NCAM2: variants seen among roughly 807,000 people sequenced by gnomAD.
The protein encoded by NCAM2 is neural cell adhesion molecule 2.
Under a neutral mutation model 98.1 loss-of-function variants are expected in NCAM2, and 30 were observed. The ratio of observed to expected loss-of-function variants is 0.31; its 90% confidence interval spans 0.23 to 0.41. The LOEUF (loss-of-function observed/expected upper bound fraction) is 0.41, where lower values mean the gene tolerates loss of function less well. Among genes scored for constraint, NCAM2 ranks in the 10% least tolerant of loss-of-function variants. NCAM2 has a pLI of 1.00. For synonymous variants in NCAM2, 368 were observed against 342.4 expected (o/e 1.07, Z -0.83); for missense variants, 867 against 1,005.8 (o/e 0.86, Z 1.87).
At chr21:21,504,746 G>T (rs233777) in intron 15 of NCAM2, among the ~76,000 whole-genome samples, 126,247 of 151,540 alleles carry the variant, frequency 0.83, 52,698 homozygotes, top group Middle Eastern at 0.92. Context: ...TACATACATA[G>T]AACATAACTT....
At chr21:21,401,663 A>T (rs1271237777) in intron 9 of NCAM2, among the ~76,000 whole-genome samples, 10 of 152,136 alleles carry the variant, frequency 6.6e-5, no homozygotes, top group Admixed American at 4.6e-4. Flanking sequence ...CATTTTGTAT[A>T]TATACTATGT....
intron 11 of NCAM2, among the ~76,000 whole-genome samples, chr21:21,422,486 T>C (rs1413767821): frequency 6.6e-6 from 1 of 152,190 alleles, no homozygotes; most frequent in Non-Finnish European, 1.5e-5. Context: ...AAGTAAAATG[T>C]ATATGTGTTT....
rs573619671 is a variant in NCAM2, at chr21:21,459,637, AGAATT to A, written c.1655-6967_1655-6963del. Reference sequence around the variant, plus strand: ...ACACATATGTATATAGACATAAAAAAGAATTGCTGCATGATCTCACTTATATGTGG... The same window carrying A: ...ACACATATGTATATAGACATAAAAAAGCTGCATGATCTCACTTATATGTGG... On this transcript the variant is annotated intron_variant, in intron 12 of 17. Coordinates refer to ENST00000400546, the MANE Select transcript of NCAM2 (RefSeq NM_004540.5). 3.3e-5 allele frequency among the ~76,000 whole-genome samples: 5 copies of A among 151,092 alleles called. No homozygotes were observed. The Admixed American group carries it at 3.3e-4, about 10-fold the overall frequency.
intron 9 of NCAM2, among the ~76,000 whole-genome samples, chr21:21,374,639 T>G (rs2075992065): frequency 1.3e-5 from 2 of 151,808 alleles, no homozygotes; most frequent in Admixed American, 6.6e-5. Flanking sequence ...TGCATGGAAT[T>G]TAAAAATAAT....
intron 14 of NCAM2, among the ~76,000 whole-genome samples, chr21:21,476,929 T>C (rs931250399): frequency 2.0e-5 from 3 of 152,000 alleles, no homozygotes; most frequent in Non-Finnish European, 1.5e-5. Flanking sequence ...GTTTTTTCTG[T>C]GTATCATGTT....
At chr21:21,252,103 T>G (rs1466462678) in intron 1 of NCAM2, among the ~76,000 whole-genome samples, 1 of 152,072 alleles carries the variant, frequency 6.6e-6, no homozygotes, top group Non-Finnish European at 1.5e-5. Context: ...AAAAAAAAGC[T>G]TAACATTACT....
chr21:21,300,709 C>A (rs1389508054), intron 5 of NCAM2, among the ~76,000 whole-genome samples: 1 of 151,896 alleles, frequency 6.6e-6, no homozygotes, highest in Non-Finnish European at 1.5e-5. Context: ...GGAAAGATTT[C>A]TTTAATTTTT....
chr21:21,107,832 A>G (rs1369446292), intron 1 of NCAM2, among the ~76,000 whole-genome samples: 1 of 152,110 alleles, frequency 6.6e-6, no homozygotes, highest in Non-Finnish European at 1.5e-5. Context: ...CCACGGTGTC[A>G]CTGCCAATAC....
intron 12 of NCAM2, among the ~76,000 whole-genome samples, chr21:21,434,562 C>T (rs1052345123): frequency 6.6e-6 from 1 of 152,084 alleles, no homozygotes; most frequent in Admixed American, 6.6e-5. Flanking sequence ...GCAGTATAAA[C>T]ATGAATTTTA....
intron 16 of NCAM2, among the ~76,000 whole-genome samples, chr21:21,514,224 G>A (rs1181073500): frequency 6.6e-6 from 1 of 150,982 alleles, no homozygotes; most frequent in Non-Finnish European, 1.5e-5. Context: ...CTGGCAAAAT[G>A]TTGTCTCTGG....
chr21:21,010,310 A>G (rs976650726), intron 1 of NCAM2, among the ~76,000 whole-genome samples: 7 of 152,036 alleles, frequency 4.6e-5, no homozygotes, highest in East Asian at 1.9e-4. Context: ...AGGTTGTTCA[A>G]TGGCTTATGA....
At chr21:21,131,869 A>G (rs1426113984) in intron 1 of NCAM2, among the ~76,000 whole-genome samples, 1 of 152,212 alleles carries the variant, frequency 6.6e-6, no homozygotes, top group Non-Finnish European at 1.5e-5. Context: ...AGAAAAGTGA[A>G]TAATAGAAAG....
chr21:21,404,060 T>A (rs547729557), intron 9 of NCAM2, among the ~76,000 whole-genome samples: 2 of 152,196 alleles, frequency 1.3e-5, no homozygotes, highest in Non-Finnish European at 2.9e-5. Flanking sequence ...GTTTTATGCT[T>A]TCAAGTGTCT....
rs144750017 is a variant in NCAM2 at position 21,531,728 on chromosome 21, A to G, written c.2283-2809A>G. Among the ~76,000 whole-genome samples the G allele has an allele frequency of 9.1e-4, 138 of 152,026 alleles. No homozygotes were observed. In the South Asian group the frequency reaches 0.012, roughly 13 times the overall value. ...CTTTTTAATTCTACAGACAATATCA[A>G]TAATGATTCTGGTATTACTTAATAT... On this transcript the variant is annotated intron_variant, in intron 16 of 17. Coordinates refer to ENST00000400546, the MANE Select transcript of NCAM2 (RefSeq NM_004540.5).
At position 21,472,266 on chromosome 21, in the gene NCAM2, T is replaced by C. The variant is rs186381754; in HGVS notation, c.1896+3483T>C. ...AGGGACTAGCATTTGTAAGTCTTAA[T>C]TGAACTTCTTAAGTAAGTTGGAGTC... On this transcript the variant is annotated intron_variant, in intron 14 of 17. Transcript: ENST00000400546. Among the ~76,000 whole-genome samples the C allele has an allele frequency of 5.9e-5, 9 of 152,154 alleles. No homozygotes were observed. In the East Asian group the frequency reaches 1.4e-3, roughly 23 times the overall value.
At chr21:21,148,839 C>T (rs537545586) in intron 1 of NCAM2, among the ~76,000 whole-genome samples, 1 of 152,126 alleles carries the variant, frequency 6.6e-6, no homozygotes, top group Admixed American at 6.5e-5. Context: ...ATTATTCTTA[C>T]AGTAGAAATA....
In NCAM2 at chr21:21,011,303, G is replaced by T. The variant is rs183950120; in HGVS notation, c.55+12685G>T. ...GGGAAGGATCTGATATTCAAATTCA[G>T]GAATATCTGATTCTAAAATGATGCT... is the stretch of plus-strand genomic sequence containing the variant. On this transcript the variant is annotated intron_variant, in intron 1 of 17. Coordinates refer to ENST00000400546, the MANE Select transcript of NCAM2 (RefSeq NM_004540.5). Among the ~76,000 whole-genome samples, 10 of 152,066 alleles carry T rather than the reference G, an allele frequency of 6.6e-5. No individual in the cohort carries two copies. The East Asian group carries it at 9.7e-4, about 15-fold the overall frequency.
intron 5 of NCAM2, among the ~76,000 whole-genome samples, chr21:21,299,910 G>A (rs956146028): frequency 2.4e-4 from 36 of 151,824 alleles, no homozygotes; most frequent in African/African-American, 8.2e-4. Context: ...CATAGTATTT[G>A]CATATAGCCT....
At chr21:21,116,590 C>T (rs937461205) in intron 1 of NCAM2, among the ~76,000 whole-genome samples, 7 of 152,166 alleles carry the variant, frequency 4.6e-5, no homozygotes, top group Non-Finnish European at 5.9e-5. Flanking sequence ...CGCAGCGGCT[C>T]ACGCCTGTAA....
Sources: allele counts gnomAD v4.1 joint callset (sites outside exome capture counted in the v4.1 genomes callset), GRCh38; gene constraint gnomAD v4.1.1; transcripts MANE v1.5; gene names NCBI Gene and HGNC (gene_info 2026-07-23, HGNC 2026-07-21).